Variants in MYO16 observed in about 807,000 individuals in gnomAD.
The protein encoded by MYO16 is myosin XVI, also known as unconventional myosin-XVI.
In MYO16, 94 loss-of-function variants were observed where a neutral mutation model predicts 205.3. The observed-to-expected ratio is 0.46, with a 90% CI of 0.39 to 0.54. The LOEUF (loss-of-function observed/expected upper bound fraction) is 0.54, where lower values mean the gene tolerates loss of function less well. MYO16 is among the 20% of genes least tolerant of loss of function. The pLI is 0.00. For synonymous variants in MYO16, 988 were observed against 954.0 expected (o/e 1.04, Z -0.66); for missense variants, 2,315 against 2,387.5 (o/e 0.97, Z 0.63).
the MYO16 span, among the ~76,000 whole-genome samples, chr13:108,586,645 G>C: frequency 1.3e-5 from 2 of 152,146 alleles, no homozygotes; most frequent in African/African-American, 4.8e-5. Context: ...TGTCATGTAG[G>C]TGAAAAATGG....
intron 4 of MYO16, among the ~76,000 whole-genome samples, chr13:108,741,547 G>A (rs1884911008): frequency 6.6e-6 from 1 of 152,080 alleles, no homozygotes; most frequent in Admixed American, 6.6e-5. Flanking sequence ...CAAAAAAGGT[G>A]TATTATTTGA....
At chr13:108,551,493 C>A in the MYO16 span, among the ~76,000 whole-genome samples, 1 of 152,154 alleles carries the variant, frequency 6.6e-6, no homozygotes, top group African/African-American at 2.4e-5. Context: ...TACAGTGAAG[C>A]CTCTGGTTTA....
chr13:109,099,501 G>T (rs769493335), intron 27 of MYO16, among the ~76,000 whole-genome samples: 2 of 152,070 alleles, frequency 1.3e-5, no homozygotes, highest in Non-Finnish European at 2.9e-5. Flanking sequence ...TCCTCTAAGC[G>T]CACTAATCCC....
At chr13:108,986,678 G>A (rs1396731070) in intron 20 of MYO16, among the ~76,000 whole-genome samples, 1 of 151,438 alleles carries the variant, frequency 6.6e-6, no homozygotes, top group Non-Finnish European at 1.5e-5. Flanking sequence ...GTCTGAGTGT[G>A]GCTTTCACTA....
At chr13:108,727,346 G>T (rs1884374300) in intron 3 of MYO16, 94 bp from the exon 4 acceptor site, 2 of 1,333,518 alleles carry the variant, frequency 1.5e-6, no homozygotes, top group African/African-American at 1.5e-5. Flanking sequence ...TCCCAAAATT[G>T]GTATTGAAGT....
chr13:109,140,929 G>A lies in MYO16; in HGVS notation c.4717G>A (p.Asp1573Asn), dbSNP rs780588986. The change falls in exon 32 of 35, where the codon GAC becomes AAC. Residue 1573 changes from aspartate to asparagine, a missense_variant. Physicochemically the swap from Asp to Asn is conservative, Grantham distance 23 (BLOSUM62 1). This residue lies in a region of MYO16 where 1,097 missense variants were observed against 1,092.0 expected (regional missense o/e 1.00). Transcript: ENST00000457511. The surrounding 1 kb of genome is among the most constrained non-coding windows in gnomAD (Gnocchi z 8.0). ...QYSKSQKGDG[D>N]RPASPGLALF... is the part of the protein sequence containing the mutation. Reference sequence around the variant, plus strand: ...CTCCAAGAGCCAGAAGGGCGACGGCGACAGGCCCGCGTCCCCCGGCCTGGC... The same window carrying A: ...CTCCAAGAGCCAGAAGGGCGACGGCAACAGGCCCGCGTCCCCCGGCCTGGC... The A allele has an allele frequency of 1.9e-6, 3 of 1,564,162 alleles. No homozygotes were observed. Among genetic ancestry groups the A allele is most frequent in the Non-Finnish European group, 2.6e-6 (3 of 1,158,118 alleles).
intron 2 of MYO16, among the ~76,000 whole-genome samples, chr13:108,670,707 G>C (rs1336744629): frequency 2.0e-5 from 3 of 152,202 alleles, no homozygotes; most frequent in Non-Finnish European, 4.4e-5. Context: ...TGGACTCACT[G>C]CTCCTTTGTC....
intron 14 of MYO16, among the ~76,000 whole-genome samples, chr13:108,891,109 C>T (rs1880149295): frequency 6.6e-6 from 1 of 152,212 alleles, no homozygotes; most frequent in Non-Finnish European, 1.5e-5. Context: ...ATAGGAGAAA[C>T]ATTTCATTAC....
intron 7 of MYO16, among the ~76,000 whole-genome samples, chr13:108,808,300 C>T (rs1267683858): frequency 1.4e-5 from 2 of 144,662 alleles, no homozygotes; most frequent in Admixed American, 1.4e-4. Flanking sequence ...TTCTTCTTTG[C>T]TTTTTTTTTT....
rs748488739 is a variant in MYO16 at position 108,793,567 on chromosome 13, T to C, written c.668T>C (p.Met223Thr). ...RQMKLQRPMS[M>T]LTDVKHFLSS... is the part of the protein sequence containing the mutation. ...ATGAAGCTTCAGAGACCAATGAGTA[T>C]GTTAACAGATGTCAAACACTTCTTA... Residue 223 changes from methionine to threonine, a missense_variant, in exon 6 of 35, where the codon ATG becomes ACG. Met to Thr is a moderately conservative substitution (Grantham distance 81, BLOSUM62 -1). Coordinates refer to ENST00000457511, the MANE Select transcript of MYO16 (RefSeq NM_001198950.3). The C allele has an allele frequency of 6.2e-7, 1 of 1,613,788 alleles. No homozygotes were observed. Among genetic ancestry groups the C allele is most frequent in the South Asian group, 1.1e-5 (1 of 91,076 alleles).
At chr13:108,949,967 G>A (rs1286809429) in intron 16 of MYO16, among the ~76,000 whole-genome samples, 1 of 151,234 alleles carries the variant, frequency 6.6e-6, no homozygotes, top group African/African-American at 2.4e-5. Flanking sequence ...CTGGACAACT[G>A]GGCATCCATA....
chr13:108,827,580 C>T (rs1358117343), intron 9 of MYO16, among the ~76,000 whole-genome samples: 1 of 152,156 alleles, frequency 6.6e-6, no homozygotes, highest in African/African-American at 2.4e-5. Context: ...GACTTTCAAG[C>T]TCATGTCTAA....
chr13:108,760,831 G>A (rs574916432), intron 4 of MYO16, among the ~76,000 whole-genome samples: 32 of 152,186 alleles, frequency 2.1e-4, no homozygotes, highest in Admixed American at 1.0e-3. Flanking sequence ...ACCCTTCCCA[G>A]CCTCTGGTAG....
chr13:108,871,356 G>GTGTC (rs1555307590), intron 12 of MYO16, among the ~76,000 whole-genome samples: 159 of 127,750 alleles, frequency 1.2e-3, no homozygotes, highest in African/African-American at 4.0e-3. Context: ...GTGTGTGTGT[G>GTGTC]TGTGTGTCTG....
rs561291959 is a variant in MYO16 at position 108,777,113 on chromosome 13, C to A, written c.508-8522C>A. Among the ~76,000 whole-genome samples the A allele has an allele frequency of 3.7e-4, 56 of 152,216 alleles. 2 individuals carry two copies. The East Asian group carries it at 7.4e-3, about 20-fold the overall frequency. On this transcript the variant is annotated intron_variant, in intron 4 of 34. Transcript: ENST00000457511. ...TAATTAGTATAGCCTGCTTTTACCT[C>A]CGAGGAAACTGGGGCATAAAACCCT...
intron 16 of MYO16, among the ~76,000 whole-genome samples, chr13:108,919,917 A>G (rs1228446128): frequency 6.6e-6 from 1 of 152,232 alleles, no homozygotes; most frequent in Non-Finnish European, 1.5e-5. Context: ...TAATTCTTAC[A>G]TATTTCTCTG....
the MYO16 span, among the ~76,000 whole-genome samples, chr13:108,545,636 T>C: frequency 6.6e-6 from 1 of 152,226 alleles, no homozygotes; most frequent in Non-Finnish European, 1.5e-5. Context: ...ATGCATTTTC[T>C]TCTCTTCACA....
chr13:109,172,352 C>G (rs1471846646), intron 33 of MYO16, among the ~76,000 whole-genome samples: 1 of 152,186 alleles, frequency 6.6e-6, no homozygotes, highest in Non-Finnish European at 1.5e-5. Context: ...AAAGAAAACT[C>G]CTGGGGCATC....
At chr13:108,496,552 G>C in the MYO16 span, among the ~76,000 whole-genome samples, 1 of 152,198 alleles carries the variant, frequency 6.6e-6, no homozygotes, top group Non-Finnish European at 1.5e-5. Flanking sequence ...CACCCGGGGG[G>C]CGTCGAGCCT....
Sources: allele counts gnomAD v4.1 joint callset (sites outside exome capture counted in the v4.1 genomes callset), GRCh38; gene constraint gnomAD v4.1.1; regional missense constraint gnomAD v4.1.1; non-coding constraint Gnocchi (gnomAD v3.1); transcripts MANE v1.5; gene names NCBI Gene and HGNC (gene_info 2026-07-23, HGNC 2026-07-21).